Variants in CTNNA2 observed in about 807,000 individuals in gnomAD.
CTNNA2 encodes catenin alpha-2.
CTNNA2 carries 42 observed loss-of-function variants against 101.0 expected under a neutral mutation model. The ratio of observed to expected loss-of-function variants is 0.42; its 90% CI spans 0.32 to 0.54. The LOEUF (loss-of-function observed/expected upper bound fraction) is 0.54. Ranked by LOEUF, CTNNA2 falls within the 20% of genes least tolerant of loss-of-function variation. The pLI is 0.14. For missense variants in CTNNA2, 871 were observed against 1,223.1 expected (o/e 0.71, Z 4.29); for synonymous variants, 450 against 456.4 (o/e 0.99, Z 0.18).
At chr2:79,529,260 T>G (rs1166466484) in intron 1 of CTNNA2, among the ~76,000 whole-genome samples, 1 of 152,086 alleles carries the variant, frequency 6.6e-6, no homozygotes, top group Admixed American at 6.6e-5. Context: ...GCAAGAAGAC[T>G]TAGGAACCAT....
At chr2:79,340,649 C>T (rs141166462) in intron 3 of CTNNA2, among the ~76,000 whole-genome samples, 1,611 of 151,904 alleles carry the variant, frequency 0.011, 34 homozygotes, top group East Asian at 0.076. Context: ...CTGGCTAACA[C>T]GGTGAAACCC....
At position 80,137,295 on chromosome 2, in the gene CTNNA2, G is replaced by A. The variant is rs116063253; in HGVS notation, c.1056+227498G>A. Among the ~76,000 whole-genome samples the A allele has an allele frequency of 1.6e-3, 250 of 152,276 alleles. 1 individual carries two copies. Among genetic ancestry groups the A allele is most frequent in the African/African-American group, 5.5e-3 (227 of 41,566 alleles). On this transcript the variant is annotated intron_variant, in intron 7 of 18. Coordinates refer to ENST00000402739, the MANE Select transcript of CTNNA2 (RefSeq NM_001282597.3). ...GGAGTTTGGGGCTGCTAGGAAGGAA[G>A]TTATAGGCAATTGAATTTGGCTCAG... is the stretch of plus-strand genomic sequence containing the variant.
intron 9 of CTNNA2, among the ~76,000 whole-genome samples, chr2:80,468,784 T>C (rs945322555): frequency 6.6e-6 from 1 of 152,218 alleles, no homozygotes; most frequent in Non-Finnish European, 1.5e-5. Context: ...ATTGAGATGA[T>C]GATTATCAAG....
chr2:80,287,719 C>T (rs1277281710), intron 7 of CTNNA2, among the ~76,000 whole-genome samples: 1 of 152,096 alleles, frequency 6.6e-6, no homozygotes, highest in African/African-American at 2.4e-5. Context: ...TTCGGTAGAA[C>T]TGGGGCTCAT....
intron 7 of CTNNA2, among the ~76,000 whole-genome samples, chr2:79,911,526 T>C (rs183472140): frequency 8.7e-4 from 133 of 152,340 alleles, no homozygotes; most frequent in East Asian, 2.9e-3. Flanking sequence ...AACTAGAAGT[T>C]TTTCTTTCAG....
chr2:79,959,448 C>T (rs1161663061), intron 7 of CTNNA2, among the ~76,000 whole-genome samples: 1 of 152,178 alleles, frequency 6.6e-6, no homozygotes, highest in Non-Finnish European at 1.5e-5. Context: ...GAACAAGAAA[C>T]ATTGCCAGAA....
rs572038635 is a variant in CTNNA2, at chr2:80,204,152, G to T, written c.1057-189059G>T. On this transcript the variant is annotated intron_variant, in intron 7 of 18. Transcript: ENST00000402739. ...AACCTCTGGGCCTGTGATGGGAGGGGCTGCCGCAAAGTTCTCTAACATGCC... is the reference window on the plus strand; with the variant it reads ...AACCTCTGGGCCTGTGATGGGAGGGTCTGCCGCAAAGTTCTCTAACATGCC... Among the ~76,000 whole-genome samples, 34 of 152,314 alleles carry T rather than the reference G, an allele frequency of 2.2e-4. 1 individual carries two copies. The South Asian group carries it at 6.8e-3, about 31-fold the overall frequency.
chr2:79,504,855 A>C (rs979727043), intron 4 of CTNNA2, among the ~76,000 whole-genome samples: 2 of 152,076 alleles, frequency 1.3e-5, no homozygotes, highest in African/African-American at 4.8e-5. Flanking sequence ...TGATTATTTG[A>C]CTACTTTGCC....
intron 8 of CTNNA2, among the ~76,000 whole-genome samples, chr2:80,418,910 C>A (rs1680270513): frequency 6.6e-6 from 1 of 152,136 alleles, no homozygotes. Flanking sequence ...AACATAGCAA[C>A]TATGTCATCA....
intron 7 of CTNNA2, among the ~76,000 whole-genome samples, chr2:80,055,492 T>G (rs1697159275): frequency 6.6e-6 from 1 of 152,168 alleles, no homozygotes; most frequent in Non-Finnish European, 1.5e-5. Flanking sequence ...AACCACATAT[T>G]ATTGGACCCA....
At chr2:79,418,027 G>A (rs995544003) in intron 4 of CTNNA2, among the ~76,000 whole-genome samples, 1 of 152,090 alleles carries the variant, frequency 6.6e-6, no homozygotes, top group Non-Finnish European at 1.5e-5. Flanking sequence ...GGGGTAGGCG[G>A]ATAGGGTATG....
At chr2:80,480,459 T>C (rs1461520596) in intron 9 of CTNNA2, among the ~76,000 whole-genome samples, 1 of 152,090 alleles carries the variant, frequency 6.6e-6, no homozygotes, top group African/African-American at 2.4e-5. Flanking sequence ...TTACACCCAA[T>C]TCCTATGTTT....
At position 79,284,591 on chromosome 2, in the gene CTNNA2, T is replaced by G. The variant is rs1231238437; in HGVS notation, c.-405-28118T>G. Reference sequence around the variant, plus strand: ...TGATTTGCATATATTGAACCAGCCTTGCATCCCAGGGATGAAGCCCACTTG... The same window carrying G: ...TGATTTGCATATATTGAACCAGCCTGGCATCCCAGGGATGAAGCCCACTTG... On this transcript the variant is annotated intron_variant, in intron 2 of 21. Coordinates refer to the CTNNA2 transcript ENST00000466387. 9.3e-5 allele frequency among the ~76,000 whole-genome samples: 14 copies of G among 150,192 alleles called. No individual in the cohort carries two copies. In the East Asian group the frequency reaches 2.8e-3, roughly 30 times the overall value.
At chr2:79,211,075 T>C (rs981964524) in intron 2 of CTNNA2, among the ~76,000 whole-genome samples, 37 of 152,302 alleles carry the variant, frequency 2.4e-4, no homozygotes, top group African/African-American at 7.5e-4. Flanking sequence ...AGCATATAAA[T>C]CAATTTCTAG....
intron 9 of CTNNA2, among the ~76,000 whole-genome samples, chr2:80,470,578 A>G (rs187687012): frequency 1.2e-3 from 188 of 152,192 alleles, no homozygotes; most frequent in African/African-American, 4.3e-3. Flanking sequence ...CTTGCCAATG[A>G]GGTTAGAAAG....
chr2:80,236,253 A>C (rs1362371668), intron 7 of CTNNA2, among the ~76,000 whole-genome samples: 1 of 152,140 alleles, frequency 6.6e-6, no homozygotes, highest in East Asian at 1.9e-4. Context: ...GCTATTGTGA[A>C]TAGTACTTCA....
intron 9 of CTNNA2, among the ~76,000 whole-genome samples, chr2:80,530,390 C>T (rs564392279): frequency 8.5e-5 from 13 of 152,236 alleles, no homozygotes; most frequent in East Asian, 5.8e-4. Context: ...GCTTCCAGCT[C>T]GGGAGAGACT....
intron 7 of CTNNA2, among the ~76,000 whole-genome samples, chr2:80,172,166 C>A (rs1705103070): frequency 6.6e-6 from 1 of 152,156 alleles, no homozygotes; most frequent in Non-Finnish European, 1.5e-5. Flanking sequence ...ACCTCCTGCA[C>A]TAAAATGATT....
At chr2:79,432,348 A>G (rs1678667674) in intron 4 of CTNNA2, among the ~76,000 whole-genome samples, 1 of 152,220 alleles carries the variant, frequency 6.6e-6, no homozygotes, top group Non-Finnish European at 1.5e-5. Context: ...CAGAACCAGG[A>G]TTCCAACTCA....
Sources: allele counts gnomAD v4.1 joint callset (sites outside exome capture counted in the v4.1 genomes callset), GRCh38; gene constraint gnomAD v4.1.1; transcripts MANE v1.5; gene names NCBI Gene and HGNC (gene_info 2026-07-23, HGNC 2026-07-21).